The following SNRPN variants were observed in gnomAD, a reference collection of about 807,000 sequenced individuals.
The protein encoded by SNRPN is small nuclear ribonucleoprotein polypeptide N.
SNRPN carries 7 observed loss-of-function variants against 25.2 expected under a neutral mutation model. The ratio of observed to expected loss-of-function variants is 0.28; its 90% confidence interval spans 0.16 to 0.52. SNRPN has a LOEUF of 0.52. Among genes scored for constraint, SNRPN ranks in the 20% least tolerant of loss-of-function variants. The pLI is 0.96. For synonymous variants in SNRPN, 124 were observed against 110.6 expected, an observed-to-expected ratio of 1.12 and a Z score of -0.76; for missense variants, 196 against 322.5, an observed-to-expected ratio of 0.61 and a Z score of 3.00.
intron 2 of SNRPN, among the ~76,000 whole-genome samples, chr15:24,836,637 T>G (rs942629498): frequency 3.9e-5 from 6 of 152,068 alleles, no homozygotes. Flanking sequence ...GGTCTCAAAC[T>G]CCTGATCTCA....
At chr15:24,867,476 G>A (rs12914386) in intron 1 of SNRPN, among the ~76,000 whole-genome samples, 16,195 of 151,406 alleles carry the variant, frequency 0.11, 1,253 homozygotes, top group African/African-American at 0.23. Context: ...CCTGGTTCAC[G>A]CCATTCTCCT....
intron 2 of SNRPN, among the ~76,000 whole-genome samples, chr15:24,847,407 G>A (rs1205445402): frequency 4.6e-5 from 7 of 152,154 alleles, no homozygotes; most frequent in South Asian, 2.1e-4. Context: ...CTGGGAGGCC[G>A]AGGCGGGCAG....
intron 2 of SNRPN, chr15:24,851,209 G>T (rs1368616712): frequency 6.6e-5 from 10 of 152,260 alleles, no homozygotes; most frequent in African/African-American, 1.9e-4. Flanking sequence ...TTTGGGTTTT[G>T]CCCAGTGCAT....
rs1240777559 is a variant in SNRPN at position 24,978,286 on chromosome 15, C to T, written c.653C>T (p.Pro218Leu). 10 of 1,613,990 alleles carry T rather than the reference C, an allele frequency of 6.2e-6. No individual in the cohort carries two copies. The highest frequency in any genetic ancestry group is 1.3e-5 in the African/African-American group (1 of 74,912). Residue 218 changes from proline (P) to leucine (L), a missense_variant, in exon 9 of 10, where the codon CCG (proline) becomes CTG (leucine). By Grantham distance (98) the Pro-to-Leu change is moderately conservative (BLOSUM62 -3). Transcript: ENST00000390687. ...GGGACGCCAATAGGCATGCCGCCTC[C>T]GGGAATGAGACCCCCTCCACCAGGC... ...ARGTPIGMPP[P>L]GMRPPPPGIR...
At chr15:24,827,196 AT>A (rs2050155561) in intron 1 of SNRPN, among the ~76,000 whole-genome samples, 2 of 151,996 alleles carry the variant, frequency 1.3e-5, no homozygotes, top group African/African-American at 4.8e-5. Context: ...CTAGGGCATT[AT>A]TGTACACTAC....
Position 24,978,073 on chromosome 15 carries a change from T to C in SNRPN, c.560-120T>C, listed in dbSNP as rs985062054. 2.7e-5 allele frequency: 33 copies of C among 1,222,222 alleles called. 1 individual carries two copies. The Admixed American group carries it at 7.2e-4, about 27-fold the overall frequency. 75.7% of individuals were successfully genotyped at this position (1,222,222 alleles called of 1,614,324 possible). Reference sequence around the variant, plus strand: ...AAGACATAGAAGAGTAATTGTCATATAGAAGTTATTTGACTCTATCATTGT... The same window carrying C: ...AAGACATAGAAGAGTAATTGTCATACAGAAGTTATTTGACTCTATCATTGT... On this transcript the variant is annotated intron_variant, in intron 8 of 9. Transcript: ENST00000390687.
intron 2 of SNRPN, chr15:24,911,165 G>A (rs534950832): frequency 7.4e-6 from 4 of 539,002 alleles, no homozygotes; most frequent in African/African-American, 5.9e-5. Context: ...AAGGGCCAAA[G>A]AAAATTATTT....
rs1408263756 is a variant in SNRPN at position 24,929,938 on chromosome 15, A to T, written c.-391+9814A>T. 2.0e-5 allele frequency among the ~76,000 whole-genome samples: 3 copies of T among 152,250 alleles called. No individual in the cohort carries two copies. The East Asian group carries it at 5.8e-4, about 29-fold the overall frequency. The stretch of plus-strand genomic sequence containing the variant: ...CACGGTGGCTCACACCTATAATCCC[A>T]GCACTTTGGGAGGCCAAGGCGGGTG... On this transcript the variant is annotated intron_variant, in intron 3 of 11. Coordinates refer to the SNRPN transcript ENST00000400097. This position sits in a 1 kb window ranked among gnomAD's most constrained non-coding sequence, Gnocchi z 5.3.
At chr15:24,829,137 C>T (rs549399700) in intron 1 of SNRPN, among the ~76,000 whole-genome samples, 1 of 152,216 alleles carries the variant, frequency 6.6e-6, no homozygotes, top group Non-Finnish European at 1.5e-5. Context: ...TTCTGTGTTG[C>T]TCTTTGTTCA....
At chr15:24,930,484 A>G (rs939303618) in intron 3 of SNRPN, among the ~76,000 whole-genome samples, 1 of 150,756 alleles carries the variant, frequency 6.6e-6, no homozygotes, top group Non-Finnish European at 1.5e-5. Context: ...GCTGTGGTAC[A>G]CCTGTAATCC....
upstream of SNRPN, among the ~76,000 whole-genome samples, chr15:24,953,433 C>A (rs1298924898): frequency 6.6e-6 from 1 of 152,172 alleles, no homozygotes; most frequent in Non-Finnish European, 1.5e-5. Flanking sequence ...AAGCAATTCT[C>A]CTGCCTCAGC....
At chr15:24,960,191 C>T (rs2074541274) in intron 1 of SNRPN, among the ~76,000 whole-genome samples, 2 of 152,038 alleles carry the variant, frequency 1.3e-5, no homozygotes, top group Admixed American at 1.3e-4. Flanking sequence ...AATATTACTT[C>T]ATCTAGCAGT....
In SNRPN at chr15:24,920,710, G is replaced by C. The variant is rs191102468; in HGVS notation, c.-391+586G>C. Reference sequence around the variant, plus strand: ...GTAAGGGAGAACGTGGGCGGGCAGCGGGCGTGTATAGAGGCATAAACTCAA... The same window carrying C: ...GTAAGGGAGAACGTGGGCGGGCAGCCGGCGTGTATAGAGGCATAAACTCAA... On this transcript the variant is annotated intron_variant, in intron 3 of 11. Transcript: ENST00000400097. Among the ~76,000 whole-genome samples, 17 of 152,232 alleles carry C rather than the reference G, an allele frequency of 1.1e-4. 1 individual carries two copies. The highest frequency in any genetic ancestry group is 4.1e-4 in the African/African-American group (17 of 41,544).
chr15:24,969,010 C>G (rs956744920), intron 3 of SNRPN, among the ~76,000 whole-genome samples: 3 of 152,056 alleles, frequency 2.0e-5, no homozygotes, highest in African/African-American at 7.2e-5. Flanking sequence ...AAAGTAAGAG[C>G]AGAGAGGAAT....
intron 1 of SNRPN, among the ~76,000 whole-genome samples, chr15:24,863,971 G>A (rs1010257623): frequency 2.0e-5 from 3 of 148,080 alleles, no homozygotes; most frequent in Admixed American, 6.7e-5. Flanking sequence ...TTAGATTATC[G>A]ATTTTTAGAT....
chr15:24,923,091 A>G (rs1407806003), intron 3 of SNRPN, among the ~76,000 whole-genome samples: 1 of 151,996 alleles, frequency 6.6e-6, no homozygotes, highest in East Asian at 1.9e-4. Flanking sequence ...TTTTTAGCAG[A>G]GATGGGGTTT....
intron 2 of SNRPN, among the ~76,000 whole-genome samples, chr15:24,835,024 GAT>G (rs10593239): frequency 0.11 from 5,631 of 52,338 alleles, 1,530 homozygotes; most frequent in East Asian, 0.2. Flanking sequence ...ATATAAAATA[GAT>G]ATATATAGTA....
At chr15:24,884,831 C>T (rs913310073) in intron 1 of SNRPN, among the ~76,000 whole-genome samples, 34 of 152,044 alleles carry the variant, frequency 2.2e-4, no homozygotes, top group Non-Finnish European at 4.6e-4. Flanking sequence ...GGGCCCTGAC[C>T]CAGACCCCAA....
intron 2 of SNRPN, among the ~76,000 whole-genome samples, chr15:24,847,508 C>A (rs993741677): frequency 6.6e-6 from 1 of 151,986 alleles, no homozygotes; most frequent in Non-Finnish European, 1.5e-5. Context: ...GGCATGGTGG[C>A]GGGTGCCTGT....
Sources: gnomAD v4.1 joint callset for allele counts (sites outside exome capture counted in the v4.1 genomes callset) on GRCh38, gnomAD v4.1.1 for gene constraint, Gnocchi (gnomAD v3.1) non-coding constraint, MANE v1.5 for transcripts, NCBI Gene and HGNC (gene_info 2026-07-23, HGNC 2026-07-21) for gene names.